Variants in CLASP1 observed in about 807,000 individuals in gnomAD.
CLASP1 encodes cytoplasmic linker associated protein 1, also known as CLIP-associating protein 1.
CLASP1 carries 38 observed loss-of-function variants against 192.3 expected under a neutral mutation model. The ratio of observed to expected loss-of-function variants is 0.20; its 90% CI spans 0.15 to 0.26. The LOEUF (loss-of-function observed/expected upper bound fraction) is 0.26, where lower values mean the gene tolerates loss of function less well. Ranked by LOEUF, CLASP1 falls within the 10% of genes least tolerant of loss-of-function variation. The pLI, the probability that CLASP1 is intolerant of heterozygous loss-of-function variation, is 1.00. For missense variants in CLASP1, 1,433 were observed against 1,932.5 expected (o/e 0.74, Z 4.85); for synonymous variants, 691 against 712.8 (o/e 0.97, Z 0.49).
chr2:121,398,893 C>T (rs2149446654), intron 28 of CLASP1, among the ~76,000 whole-genome samples: 1 of 152,326 alleles, frequency 6.6e-6, no homozygotes, highest in South Asian at 2.1e-4. Context: ...GAGATGGCGA[C>T]AAAACATTTC....
In CLASP1 at chr2:121,624,499, C is replaced by T. The variant is rs571724092; in HGVS notation, c.-285-18319G>A. Among the ~76,000 whole-genome samples the T allele has an allele frequency of 2.6e-5, 4 of 152,296 alleles. No homozygotes were observed. The East Asian group carries it at 7.7e-4, about 29-fold the overall frequency. ...TTGCGTGATCTGGGCTCACTGCAAC[C>T]TCCACCTCCTGGGTCCAAGCTATTC... On this transcript the variant is annotated intron_variant, in intron 1 of 39. Transcript: ENST00000263710.
chr2:121,468,174 A>T (rs1305589049), intron 9 of CLASP1, among the ~76,000 whole-genome samples: 1 of 152,006 alleles, frequency 6.6e-6, no homozygotes, highest in Admixed American at 6.6e-5. Context: ...CTACTACCAC[A>T]CTGTTTTGGT....
chr2:121,614,265 GCAGGTGGATGACCTGAGGT>G (rs536941104), intron 1 of CLASP1, among the ~76,000 whole-genome samples: 1,977 of 152,322 alleles, frequency 0.013, 22 homozygotes, highest in Admixed American at 0.028. Context: ...GGAGGCCAAG[GCAGGTGGATGACCTGAGGT>G]CAGGTGTTCG....
At chr2:121,352,239 A>G (rs1384688661) in intron 37 of CLASP1, among the ~76,000 whole-genome samples, 4 of 152,230 alleles carry the variant, frequency 2.6e-5, no homozygotes, top group Non-Finnish European at 5.9e-5. Flanking sequence ...TCGGCCATGC[A>G]CAGCCGGCCT....
intron 39 of CLASP1, among the ~76,000 whole-genome samples, chr2:121,344,448 C>T (rs2063191853): frequency 6.6e-6 from 1 of 152,030 alleles, no homozygotes; most frequent in African/African-American, 2.4e-5. Flanking sequence ...TCTCCTGCCT[C>T]GGCCTCCTGA....
At chr2:121,551,541 C>T (rs1369472016) in intron 2 of CLASP1, among the ~76,000 whole-genome samples, 2 of 152,082 alleles carry the variant, frequency 1.3e-5, no homozygotes, top group Admixed American at 1.3e-4. Flanking sequence ...CACTAGCATT[C>T]GTATACACCA....
chr2:121,424,926 A>C (rs567326189), intron 22 of CLASP1, among the ~76,000 whole-genome samples: 4 of 152,346 alleles, frequency 2.6e-5, no homozygotes, highest in African/African-American at 9.6e-5. Flanking sequence ...CAATGACATA[A>C]TTCCTTCCCA....
exon 31 of CLASP1, chr2:121,387,838 G>A: frequency 6.2e-7 from 1 of 1,612,796 alleles, no homozygotes; most frequent in Admixed American, 1.7e-5. Flanking sequence ...TTTTTGGCAA[G>A]GCACCAAGTA....
intron 17 of CLASP1, among the ~76,000 whole-genome samples, 159 bp downstream of exon 17, chr2:121,448,794 C>G (rs2084863502): frequency 6.6e-6 from 1 of 152,246 alleles, no homozygotes; most frequent in Non-Finnish European, 1.5e-5. Flanking sequence ...TTTCTCACCA[C>G]TCCATGGTGG....
At chr2:121,407,341 C>A in intron 25 of CLASP1, 130 bp downstream of exon 26, 1 of 1,043,320 alleles carries the variant, frequency 9.6e-7, no homozygotes, top group Middle Eastern at 3.1e-4. Flanking sequence ...CCTGTTCCTG[C>A]AAGCAGACCT....
intron 2 of CLASP1, among the ~76,000 whole-genome samples, chr2:121,596,887 G>A (rs1403148453): frequency 1.3e-5 from 2 of 152,052 alleles, no homozygotes; most frequent in African/African-American, 2.4e-5. Context: ...TGCCCTCCCC[G>A]TTCCTCCAAT....
chr2:121,598,652 A>G (rs1275255681), intron 2 of CLASP1, among the ~76,000 whole-genome samples: 1 of 152,188 alleles, frequency 6.6e-6, no homozygotes, highest in Non-Finnish European at 1.5e-5. Flanking sequence ...AGCCTCAGTT[A>G]CTTCCTGTAT....
At chr2:121,523,897 A>G (rs2094512812) in intron 6 of CLASP1, among the ~76,000 whole-genome samples, 1 of 152,196 alleles carries the variant, frequency 6.6e-6, no homozygotes, top group African/African-American at 2.4e-5. Flanking sequence ...TGGAAGAAAA[A>G]GAGGAAGAAG....
intron 5 of CLASP1, among the ~76,000 whole-genome samples, chr2:121,526,144 C>T (rs2094568639): frequency 6.6e-6 from 1 of 152,254 alleles, no homozygotes; most frequent in African/African-American, 2.4e-5. Context: ...AGTCTTCGTC[C>T]TGTCCCCCAG....
At chr2:121,470,881 AGACTT>A (rs2090599318) in intron 8 of CLASP1, among the ~76,000 whole-genome samples, 1 of 152,242 alleles carries the variant, frequency 6.6e-6, no homozygotes, top group Admixed American at 6.5e-5. Context: ...GTGAAAAAAA[AGACTT>A]CACTTTCTAT....
chr2:121,470,653 T>C, intron 8 of CLASP1: 2 of 453,496 alleles, frequency 4.4e-6, no homozygotes, highest in Middle Eastern at 3.3e-4. Flanking sequence ...CCTACACTTT[T>C]TTTTGTTTGT....
chr2:121,536,453 A>T (rs2095082466), intron 2 of CLASP1, among the ~76,000 whole-genome samples: 1 of 151,960 alleles, frequency 6.6e-6, no homozygotes, highest in Non-Finnish European at 1.5e-5. Context: ...TTCTGGGCAT[A>T]TACCCAAAAG....
chr2:121,541,537 C>G (rs2095233859), intron 2 of CLASP1, among the ~76,000 whole-genome samples: 1 of 152,034 alleles, frequency 6.6e-6, no homozygotes, highest in Admixed American at 6.5e-5. Context: ...TACACAAAAC[C>G]CCACATTTTT....
chr2:121,367,343 A>C (rs549820934), intron 35 of CLASP1, among the ~76,000 whole-genome samples: 1 of 152,304 alleles, frequency 6.6e-6, no homozygotes, highest in Non-Finnish European at 1.5e-5. Context: ...TGGCTACTTC[A>C]TATCACGTGT....
Sources: gnomAD v4.1 joint callset for allele counts (sites outside exome capture counted in the v4.1 genomes callset) on GRCh38, gnomAD v4.1.1 for gene constraint, MANE v1.5 for transcripts, NCBI Gene and HGNC (gene_info 2026-07-23, HGNC 2026-07-21) for gene names.